Variants in ZNF8 observed in about 807,000 individuals in gnomAD.
The protein encoded by ZNF8 is zinc finger protein 272.
ZNF8 carries 9 observed loss-of-function variants against 12.2 expected under a neutral mutation model. The observed-to-expected ratio is 0.73, with a 90% CI of 0.44 to 1.28. ZNF8 has a LOEUF of 1.28. Ranked by LOEUF, ZNF8 falls within the 50% of genes most tolerant of loss-of-function variation. The pLI, the probability that ZNF8 is intolerant of heterozygous loss-of-function variation, is 0.00. For missense variants in ZNF8, 664 were observed against 729.1 expected (o/e 0.91, Z 1.03); for synonymous variants, 274 against 282.3 (o/e 0.97, Z 0.30).
chr19:58,286,120 T>C lies in ZNF8; in HGVS notation c.204T>C (p.Leu68=). The C allele has an allele frequency of 6.2e-7, 1 of 1,614,020 alleles. No homozygotes were observed. Among genetic ancestry groups the C allele is most frequent in the Non-Finnish European group, 8.5e-7 (1 of 1,180,008 alleles). ...TTTCCCCATTTCCAGGTCCTGAGCT[T>C]CCGAAGCCTGAAGTCATCTCCCAGC... ...FGHLLSIGPE[L]PKPEVISQLE... The change falls in exon 3 of 4, where the codon CTT becomes CTC. Residue 68 remains leucine, a synonymous_variant. Transcript: ENST00000621650.
At chr19:58,286,368 G>C in intron 3 of ZNF8, 163 bp downstream of exon 3, 1 of 591,260 alleles carries the variant, frequency 1.7e-6, no homozygotes, top group Admixed American at 3.0e-5. Flanking sequence ...TCAGTATAAT[G>C]AGACCAACAA....
rs1437500708 is a variant in ZNF8 at position 58,294,681 on chromosome 19, G to A, written c.873G>A (p.Gly291=). Residue 291 remains glycine, a synonymous_variant, in exon 4 of 4, where the codon GGG becomes GGA. Coordinates refer to ENST00000621650, the MANE Select transcript of ZNF8 (RefSeq NM_021089.3). This position sits in a 1 kb window ranked among gnomAD's most constrained non-coding sequence, Gnocchi z 5.5. ...GACCTTATATGTGCAAGGAGTGTGG[G>A]AAAGCCTTCAGCCAGAACTCCTCCC... ...GERPYMCKEC[G]KAFSQNSSLV... 6.2e-7 allele frequency: 1 copy of A among 1,614,184 alleles called. No individual in the cohort carries two copies. Among genetic ancestry groups the A allele is most frequent in the South Asian group, 1.1e-5 (1 of 91,084 alleles).
chr19:58,280,739 A>G (rs1335863823), intron 1 of ZNF8: 2 of 152,272 alleles, frequency 1.3e-5, no homozygotes, highest in Non-Finnish European at 2.9e-5. Flanking sequence ...GAATCAAGGT[A>G]TGAGCAGAGC....
At chr19:58,280,101 G>A (rs1367721074) in intron 1 of ZNF8, 2 of 327,482 alleles carry the variant, frequency 6.1e-6, no homozygotes, top group African/African-American at 4.4e-5. Context: ...GTTACCTGTT[G>A]CTGTGTAACT....
rs140855589 is a variant in ZNF8 at position 58,294,221 on chromosome 19, G to A, written c.413G>A (p.Gly138Glu). Residue 138 changes from glycine (G) to glutamate (E), a missense_variant, in exon 4 of 4, where the codon GGG (glycine) becomes GAG (glutamate). Physicochemically the swap from Gly to Glu is moderately conservative, Grantham distance 98. This residue lies in a region of ZNF8 where 306 missense variants were observed against 308.7 expected (regional missense o/e 0.99). Transcript: ENST00000621650. The surrounding 1 kb of genome is among the most constrained non-coding windows in gnomAD (Gnocchi z 5.5). ...GATGCTCCTTATCCCACCACGTTAG[G>A]GAAAGACAGGGAGTGTCAGAGCCAG... ...PTDAPYPTTL[G>E]KDRECQSQSL... 1 of 1,614,126 alleles carries A rather than the reference G, an allele frequency of 6.2e-7. No individual in the cohort carries two copies. Among genetic ancestry groups the A allele is most frequent in the Non-Finnish European group, 8.5e-7 (1 of 1,180,036 alleles).
intron 1 of ZNF8, among the ~76,000 whole-genome samples, chr19:58,282,294 GAAAT>G (rs1377082165): frequency 1.3e-5 from 2 of 152,008 alleles, no homozygotes; most frequent in Non-Finnish European, 2.9e-5. Context: ...ATTCTTCAAA[GAAAT>G]AACTATACAG....
At chr19:58,279,855 A>C in intron 1 of ZNF8, 2 of 1,299,810 alleles carry the variant, frequency 1.5e-6, no homozygotes, top group Non-Finnish European at 2.0e-6. Context: ...ATCCTTCCTC[A>C]AGCTCTGCAA....
At position 58,297,816 on chromosome 19, in the gene ZNF8, T is replaced by C. The variant is rs376707772; in HGVS notation, c.*2280T>C. The C allele has an allele frequency of 5.3e-4, 80 of 152,328 alleles. No homozygotes were observed. The highest frequency in any genetic ancestry group is 1.9e-3 in the African/African-American group (77 of 41,568). The allele number at this position is 152,328 out of a possible 1,614,324, so 9.4% of individuals were successfully genotyped here. ...CTGGATATATATATAACCATGTTTG[T>C]CCACTGGGACAAAACCATTTTCACA... On this transcript the variant is annotated 3_prime_UTR_variant, in exon 4 of 4. Transcript: ENST00000621650.
chr19:58,287,712 G>A (rs1009489580), intron 3 of ZNF8, among the ~76,000 whole-genome samples: 2 of 129,856 alleles, frequency 1.5e-5, no homozygotes, highest in African/African-American at 5.8e-5. Context: ...CATTATCTTA[G>A]TCTCCTAGGC....
At chr19:58,279,224 G>C in intron 1 of ZNF8, 77 bp downstream of exon 1, 1 of 1,537,012 alleles carries the variant, frequency 6.5e-7, no homozygotes, top group Non-Finnish European at 8.7e-7. Flanking sequence ...TTCACCTCGC[G>C]GCGCGATGAG....
In ZNF8 at chr19:58,300,159, T is replaced by C. The variant is rs2051482923; in HGVS notation, c.*4623T>C. 1 of 152,226 alleles carries C rather than the reference T, an allele frequency of 6.6e-6. No individual in the cohort carries two copies. 9.4% of individuals were successfully genotyped at this position (152,226 alleles called of 1,614,324 possible). On this transcript the variant is annotated 3_prime_UTR_variant, in exon 4 of 4. Transcript: ENST00000621650. ...GCAAAATTTGGCACAGGACAAAAGT[T>C]AGTGGTAACTAGAACAAAAGTAACC...
At chr19:58,283,596 ACT>A (rs1244226881) in intron 1 of ZNF8, among the ~76,000 whole-genome samples, 5 of 130,844 alleles carry the variant, frequency 3.8e-5, no homozygotes, top group African/African-American at 1.4e-4. Context: ...TAAGAAATAA[ACT>A]CTTTTTTTTT....
intron 1 of ZNF8, 31 bp downstream of exon 1, chr19:58,279,178 G>T (rs1262151015): frequency 1.3e-6 from 2 of 1,546,256 alleles, no homozygotes; most frequent in Non-Finnish European, 8.7e-7. Context: ...GACGGCGGCG[G>T]GCTCCGGGCA....
At position 58,300,297 on chromosome 19, in the gene ZNF8, C is replaced by A. The variant is rs1162325731; in HGVS notation, c.*4761C>A. 5 of 152,236 alleles carry A rather than the reference C, an allele frequency of 3.3e-5. No individual in the cohort carries two copies. The highest frequency in any genetic ancestry group is 1.2e-4 in the African/African-American group (5 of 41,450). 9.4% of individuals were successfully genotyped at this position (152,236 alleles called of 1,614,324 possible). A position where few individuals can be genotyped will look rare whatever the true frequency, so the allele number is the denominator to read the frequency against. ...TGTCTTTTCAGTGGCTCAGCTGTGT[C>A]ACAGTCGATGTTTTCTGCAATCTCT... On this transcript the variant is annotated 3_prime_UTR_variant, in exon 4 of 4. Transcript: ENST00000621650.
Position 58,298,725 on chromosome 19 carries a change from ATACC to A in ZNF8, c.*3192_*3195del, listed in dbSNP as rs2051472268. 6.6e-6 allele frequency: 1 copy of A among 152,228 alleles called. No individual in the cohort carries two copies. The highest frequency in any genetic ancestry group is 6.5e-5 in the Admixed American group (1 of 15,282). 9.4% of individuals were successfully genotyped at this position (152,228 alleles called of 1,614,324 possible). On this transcript the variant is annotated 3_prime_UTR_variant, in exon 4 of 4. Transcript: ENST00000621650. ...ATCACATCTAAACAGATATCATCAAATACCTAGTGTTCAGATGTTCTGGGTTGCC... is the reference window on the plus strand; with the variant it reads ...ATCACATCTAAACAGATATCATCAAATAGTGTTCAGATGTTCTGGGTTGCC...
In ZNF8 at chr19:58,294,562, G is replaced by T. The variant is rs201765476; in HGVS notation, c.754G>T (p.Val252Leu). Residue 252 changes from valine to leucine, a missense_variant, in exon 4 of 4, where the codon GTG (valine) becomes TTG (leucine). Val to Leu is a conservative substitution (Grantham distance 32). Around this residue, in one of 3 missense-constraint regions of ZNF8, gnomAD observed 133 missense variants for 198.4 expected, o/e 0.67. Transcript: ENST00000621650. The surrounding 1 kb of genome is among the most constrained non-coding windows in gnomAD (Gnocchi z 5.5). ...IPITELTKSQVQDKPYKCTDC... is the reference protein window; with the variant it reads ...IPITELTKSQLQDKPYKCTDC... ...AATTACGGAACTCACAAAAAGCCAGGTGCAGGACAAACCCTACAAATGTAC... is the reference window on the plus strand; with the variant it reads ...AATTACGGAACTCACAAAAAGCCAGTTGCAGGACAAACCCTACAAATGTAC... 1 of 1,614,136 alleles carries T rather than the reference G, an allele frequency of 6.2e-7. No homozygotes were observed. The highest frequency in any genetic ancestry group is 1.3e-5 in the African/African-American group (1 of 75,024).
At chr19:58,292,786 G>A (rs1003279437) in intron 3 of ZNF8, among the ~76,000 whole-genome samples, 4 of 152,156 alleles carry the variant, frequency 2.6e-5, no homozygotes, top group South Asian at 2.1e-4. Flanking sequence ...ATATCCCGTC[G>A]TATGGATAGA....
intron 1 of ZNF8, chr19:58,279,944 A>G (rs978116209): frequency 1.9e-6 from 2 of 1,037,274 alleles, no homozygotes; most frequent in African/African-American, 3.4e-5. Flanking sequence ...TTGGTACACA[A>G]AGTGAGACTT....
At position 58,285,773 on chromosome 19, in the gene ZNF8, G is replaced by A. The variant is rs1402430091; in HGVS notation, c.123G>A (p.Gln41=). 1 of 1,614,198 alleles carries A rather than the reference G, an allele frequency of 6.2e-7. No individual in the cohort carries two copies. Among genetic ancestry groups the A allele is most frequent in the Non-Finnish European group, 8.5e-7 (1 of 1,180,034 alleles). Residue 41 remains glutamine (Q), a synonymous_variant, in exon 2 of 4, where the codon CAG becomes CAA. Coordinates refer to ENST00000621650, the MANE Select transcript of ZNF8 (RefSeq NM_021089.3). ...ACTTTACCCAGGAGGAATGGGGGCA[G>A]CTGGACCCTACCCAGAGGATCCTCT... ...AVDFTQEEWG[Q]LDPTQRILYR... is the part of the protein sequence containing the mutation.
Sources: gnomAD v4.1 joint callset for allele counts (sites outside exome capture counted in the v4.1 genomes callset) on GRCh38, gnomAD v4.1.1 for gene constraint, gnomAD v4.1.1 regional missense constraint, Gnocchi (gnomAD v3.1) non-coding constraint, MANE v1.5 for transcripts, NCBI Gene and HGNC (gene_info 2026-07-23, HGNC 2026-07-21) for gene names.